The following TTC39B variants were observed in gnomAD, a reference collection of about 807,000 sequenced individuals.
TTC39B encodes tetratricopeptide repeat domain 39B.
TTC39B carries 92 observed loss-of-function variants against 96.6 expected under a neutral mutation model. The ratio of observed to expected loss-of-function variants is 0.95; its 90% confidence interval spans 0.80 to 1.13. The LOEUF is 1.13. Ranked by LOEUF, TTC39B falls within the 50% of genes most tolerant of loss-of-function variation. TTC39B has a pLI of 0.00. For synonymous variants in TTC39B, 367 were observed against 299.4 expected, an observed-to-expected ratio of 1.23 and a Z score of -2.33; for missense variants, 955 against 809.3, an observed-to-expected ratio of 1.18 and a Z score of -2.18.
intron 17 of TTC39B, among the ~76,000 whole-genome samples, chr9:15,181,773 T>TA (rs1818261179): frequency 6.6e-6 from 1 of 152,234 alleles, no homozygotes; most frequent in Non-Finnish European, 1.5e-5. Context: ...TGTGCTGCGC[T>TA]AAAATTCCAA....
Position 15,306,959 on chromosome 9 carries a change from C to T in TTC39B, c.240+125G>A, listed in dbSNP as rs924026398. 1.4e-5 allele frequency: 20 copies of T among 1,421,180 alleles called. No individual in the cohort carries two copies. The highest frequency in any genetic ancestry group is 1.8e-5 in the Non-Finnish European group (19 of 1,064,176). 88.0% of individuals were successfully genotyped at this position (1,421,180 alleles called of 1,614,324 possible). On this transcript the variant is annotated intron_variant, in intron 1 of 19. Coordinates refer to ENST00000512701, the Ensembl canonical transcript of TTC39B. This position sits in a 1 kb window ranked among gnomAD's most constrained non-coding sequence, Gnocchi z 5.1. ...CCGGGCGCCCCCACCCGGCGCCCGC[C>T]AGCCCACCCCAGAGAGGGGACCAAG...
At chr9:15,289,696 A>T (rs1009495030) in intron 1 of TTC39B, among the ~76,000 whole-genome samples, 3 of 152,112 alleles carry the variant, frequency 2.0e-5, no homozygotes, top group Non-Finnish European at 4.4e-5. Flanking sequence ...TCTTTGTCCT[A>T]CTTGAGACTT....
intron 2 of TTC39B, 65 bp from the exon 3 acceptor site, chr9:15,226,077 G>C: frequency 1.5e-6 from 2 of 1,350,814 alleles, no homozygotes; most frequent in Non-Finnish European, 2.1e-6. Context: ...GTCTACACCA[G>C]TGCAATTACA....
chr9:15,292,850 A>T (rs1824238243), intron 1 of TTC39B, among the ~76,000 whole-genome samples: 1 of 152,254 alleles, frequency 6.6e-6, no homozygotes, highest in Admixed American at 6.5e-5. Flanking sequence ...AGTGCCAAAA[A>T]GTTTTAAAGA....
At chr9:15,181,286 A>G (rs1229451559) in intron 17 of TTC39B, among the ~76,000 whole-genome samples, 1 of 152,098 alleles carries the variant, frequency 6.6e-6, no homozygotes, top group Admixed American at 6.5e-5. Context: ...AGAAGTTTTC[A>G]TTTTACTTAT....
intron 8 of TTC39B, among the ~76,000 whole-genome samples, chr9:15,193,645 C>T (rs1818986546): frequency 6.6e-6 from 1 of 152,100 alleles, no homozygotes; most frequent in South Asian, 2.1e-4. Context: ...GTGCATTTTG[C>T]CAAGATAAAA....
intron 14 of TTC39B, among the ~76,000 whole-genome samples, chr9:15,187,270 C>A (rs1208831096): frequency 6.6e-6 from 1 of 152,132 alleles, no homozygotes; most frequent in Non-Finnish European, 1.5e-5. Flanking sequence ...AGAAAGTGGA[C>A]AGAATGAACA....
At chr9:15,225,807 C>G in intron 3 of TTC39B, 110 bp downstream of exon 3, 1 of 947,944 alleles carries the variant, frequency 1.1e-6, no homozygotes, top group Admixed American at 2.4e-5. Context: ...CTCTCCTGAC[C>G]TCATTGGTTT....
At chr9:15,250,254 A>G (rs541998915) in intron 2 of TTC39B, 68 of 1,092,832 alleles carry the variant, frequency 6.2e-5, no homozygotes, top group African/African-American at 1.7e-4. Context: ...TTTTCCCCCA[A>G]TCTCTGCTGC....
intron 2 of TTC39B, among the ~76,000 whole-genome samples, chr9:15,261,299 G>C (rs1486325452): frequency 6.6e-6 from 1 of 151,850 alleles, no homozygotes; most frequent in African/African-American, 2.4e-5. Context: ...GGTAACATAG[G>C]GAGACTGCAT....
At chr9:15,242,428 G>A (rs899807969) in intron 2 of TTC39B, among the ~76,000 whole-genome samples, 7 of 151,960 alleles carry the variant, frequency 4.6e-5, no homozygotes, top group African/African-American at 9.7e-5. Flanking sequence ...CAAAAAATAC[G>A]AAAAATCAGC....
rs186982325 is a variant in TTC39B, at chr9:15,206,747, T to C, written c.692-2857A>G. 5.0e-3 allele frequency among the ~76,000 whole-genome samples: 764 copies of C among 152,248 alleles called. 8 individuals carry two copies. Among genetic ancestry groups the C allele is most frequent in the African/African-American group, 0.018 (727 of 41,518 alleles). ...GGCTATAGTCACAAGTTTATTAGTT[T>C]ATTTTTTTTATTTATGTAGAGACAG... On this transcript the variant is annotated intron_variant, in intron 6 of 19. Transcript: ENST00000512701.
At chr9:15,268,445 G>A (rs761375559) in intron 1 of TTC39B, among the ~76,000 whole-genome samples, 6 of 151,952 alleles carry the variant, frequency 3.9e-5, no homozygotes, top group African/African-American at 9.7e-5. Flanking sequence ...TTTGCTTCAT[G>A]CCACTGGCCT....
chr9:15,175,270 T>C (rs1409476229), intron 18 of TTC39B, 135 bp from the exon 19 acceptor site: 6 of 621,484 alleles, frequency 9.7e-6, no homozygotes, highest in Admixed American at 2.8e-5. Context: ...GGCCATTGTA[T>C]AGTTATGGAA....
chr9:15,280,424 G>A (rs1037741511), intron 1 of TTC39B, among the ~76,000 whole-genome samples: 2 of 152,216 alleles, frequency 1.3e-5, no homozygotes, highest in Non-Finnish European at 2.9e-5. Context: ...TTTGAGGATA[G>A]AGTGAGAAAC....
At chr9:15,198,229 C>T (rs142103190) in intron 8 of TTC39B, among the ~76,000 whole-genome samples, 4,613 of 152,098 alleles carry the variant, frequency 0.03, 250 homozygotes, top group African/African-American at 0.1. Context: ...GAGGCCAAGA[C>T]GGGTGGATCA....
intron 2 of TTC39B, among the ~76,000 whole-genome samples, chr9:15,238,930 G>T (rs1204361231): frequency 6.6e-6 from 1 of 152,170 alleles, no homozygotes; most frequent in African/African-American, 2.4e-5. Flanking sequence ...AGGTTGCAGT[G>T]AGCCAAGATC....
At chr9:15,208,871 TTGA>T (rs1307452719) in intron 6 of TTC39B, among the ~76,000 whole-genome samples, 1 of 152,236 alleles carries the variant, frequency 6.6e-6, no homozygotes, top group Non-Finnish European at 1.5e-5. Context: ...CCATAACAAG[TTGA>T]TAATACTCAT....
chr9:15,294,076 G>A (rs774986644), intron 1 of TTC39B, among the ~76,000 whole-genome samples: 1 of 152,138 alleles, frequency 6.6e-6, no homozygotes, highest in African/African-American at 2.4e-5. Context: ...TTCTGCTGAA[G>A]TTTTTATCAT....
Sources: allele counts gnomAD v4.1 joint callset (sites outside exome capture counted in the v4.1 genomes callset), GRCh38; gene constraint gnomAD v4.1.1; non-coding constraint Gnocchi (gnomAD v3.1); transcripts MANE v1.5; gene names NCBI Gene and HGNC (gene_info 2026-07-23, HGNC 2026-07-21).